Variants in LRP5 observed in about 807,000 individuals in gnomAD.
LRP5 encodes LDL receptor related protein 5, also known as low-density lipoprotein receptor-related protein 5.
LRP5 carries 62 observed loss-of-function variants against 154.1 expected under a neutral mutation model. That is an observed-to-expected ratio of 0.40 (90% CI 0.33 to 0.50). The LOEUF is 0.50. Among genes scored for constraint, LRP5 ranks in the 20% least tolerant of loss-of-function variants. The pLI is 0.55. For synonymous variants in LRP5, 966 were observed against 1,011.5 expected, an observed-to-expected ratio of 0.96 and a Z score of 0.85; for missense variants, 1,915 against 2,336.7, an observed-to-expected ratio of 0.82 and a Z score of 3.72.
intron 2 of LRP5, among the ~76,000 whole-genome samples, chr11:68,351,394 C>T (rs1367232975): frequency 6.6e-6 from 1 of 152,136 alleles, no homozygotes. Flanking sequence ...CTCCAGGAGT[C>T]GCGGGGTTAC....
the LRP5 span, among the ~76,000 whole-genome samples, chr11:68,300,993 G>A: frequency 2.0e-5 from 3 of 147,896 alleles, no homozygotes; most frequent in Non-Finnish European, 3.0e-5. Flanking sequence ...GCAATGACGC[G>A]ATCTCGGCTC....
At chr11:68,322,288 C>A (rs1045845875) in intron 1 of LRP5, among the ~76,000 whole-genome samples, 10 of 152,312 alleles carry the variant, frequency 6.6e-5, no homozygotes, top group African/African-American at 2.4e-4. Flanking sequence ...TACCTACAGG[C>A]CCTGCGGTGC....
intron 5 of LRP5, among the ~76,000 whole-genome samples, chr11:68,373,937 G>T (rs1418347285): frequency 6.6e-6 from 1 of 152,112 alleles, no homozygotes; most frequent in Non-Finnish European, 1.5e-5. Context: ...CATGCCACTC[G>T]GGCCACACGT....
At chr11:68,313,199 G>A (rs2098589991) in intron 1 of LRP5, among the ~76,000 whole-genome samples, 1 of 151,144 alleles carries the variant, frequency 6.6e-6, no homozygotes, top group Non-Finnish European at 1.5e-5. Context: ...CGGGGAGCCG[G>A]TTCGCAAGCC....
At chr11:68,397,557 G>A (rs1447691189) in intron 7 of LRP5, among the ~76,000 whole-genome samples, 6 of 152,162 alleles carry the variant, frequency 3.9e-5, no homozygotes, top group South Asian at 4.1e-4. Context: ...TCCAAATGGC[G>A]ACACCTGGTC....
In LRP5 at chr11:68,438,296, C is replaced by T. The variant is rs575906411; in HGVS notation, c.4112-150C>T. 40 of 818,690 alleles carry T rather than the reference C, an allele frequency of 4.9e-5. No individual in the cohort carries two copies. The African/African-American group carries it at 6.5e-4, about 13-fold the overall frequency. The allele number at this position is 818,690 out of a possible 1,614,324, so 50.7% of individuals were successfully genotyped here. ...CGTTACCCTGAGGTTGGCCAGGCTC[C>T]CCAGGCCTAGCCTCCCAGCTCCCCC... On this transcript the variant is annotated intron_variant, in intron 19 of 22. Coordinates refer to ENST00000294304, the MANE Select transcript of LRP5 (RefSeq NM_002335.4).
intron 17 of LRP5, among the ~76,000 whole-genome samples, chr11:68,432,326 C>T (rs112504732): frequency 0.013 from 1,990 of 152,338 alleles, 50 homozygotes; most frequent in African/African-American, 0.045. Context: ...ACCGGTCCTC[C>T]GTGTCCCCCA....
At chr11:68,391,362 C>T (rs182285625) in intron 7 of LRP5, among the ~76,000 whole-genome samples, 9 of 152,346 alleles carry the variant, frequency 5.9e-5, no homozygotes, top group Middle Eastern at 3.4e-3. Context: ...GACATTGGTG[C>T]CTCTCCTCGG....
intron 1 of LRP5, among the ~76,000 whole-genome samples, chr11:68,324,054 T>A (rs750538416): frequency 2.0e-5 from 3 of 152,228 alleles, no homozygotes; most frequent in African/African-American, 2.4e-5. Context: ...TGACCTGCCA[T>A]GCAGGGCCCC....
At chr11:68,346,564 T>C (rs2098613125) in intron 1 of LRP5, among the ~76,000 whole-genome samples, 1 of 152,236 alleles carries the variant, frequency 6.6e-6, no homozygotes, top group Non-Finnish European at 1.5e-5. Flanking sequence ...AGTTCTGTGA[T>C]TGTCATTGGC....
In LRP5 at chr11:68,408,196, C is replaced by T. The variant is rs182426761; in HGVS notation, c.2091+1383C>T. On this transcript the variant is annotated intron_variant, in intron 9 of 22. Coordinates refer to ENST00000294304, the MANE Select transcript of LRP5 (RefSeq NM_002335.4). ...GCTCTAGTGATCCTCTCATCTCAGC[C>T]TCCCTAGTAGCTGGGACTACAGGCA... is the stretch of plus-strand genomic sequence containing the variant. 2.0e-5 allele frequency among the ~76,000 whole-genome samples: 3 copies of T among 151,812 alleles called. No homozygotes were observed. The East Asian group carries it at 5.8e-4, about 29-fold the overall frequency.
chr11:68,307,906 G>A (rs1235564524), upstream of LRP5, among the ~76,000 whole-genome samples: 3 of 152,236 alleles, frequency 2.0e-5, no homozygotes, highest in Admixed American at 6.5e-5. Flanking sequence ...ATAAGAAATA[G>A]AGCAGATATC....
In LRP5 at chr11:68,391,466, C is replaced by T. The variant is rs959699410; in HGVS notation, c.1584+1414C>T. 3.3e-5 allele frequency among the ~76,000 whole-genome samples: 5 copies of T among 152,246 alleles called. No homozygotes were observed. In the East Asian group the frequency reaches 9.6e-4, roughly 29 times the overall value. On this transcript the variant is annotated intron_variant, in intron 7 of 22. Coordinates refer to ENST00000294304, the MANE Select transcript of LRP5 (RefSeq NM_002335.4). The stretch of plus-strand genomic sequence containing the variant: ...CGTCACCATCGGGGTCACCTTTGCT[C>T]TCCTCAGGGCTCCCAGGGGAGGCCC...
In LRP5 at chr11:68,347,872, C is replaced by T. The variant is rs1397101464; in HGVS notation, c.117C>T (p.Asn39=). The change falls in exon 2 of 23, where the codon AAC becomes AAT. Residue 39 remains asparagine (N), a synonymous_variant. Coordinates refer to ENST00000294304, the MANE Select transcript of LRP5 (RefSeq NM_002335.4). Reference sequence around the variant, plus strand: ...CCTCGCCGCTCCTGCTATTTGCCAACCGCCGGGACGTACGGCTGGTGGACG... The same window carrying T: ...CCTCGCCGCTCCTGCTATTTGCCAATCGCCGGGACGTACGGCTGGTGGACG... ...AAASPLLLFA[N]RRDVRLVDAG... is the part of the protein sequence containing the mutation. 5.0e-6 allele frequency: 8 copies of T among 1,613,636 alleles called. No homozygotes were observed. The highest frequency in any genetic ancestry group is 1.1e-5 in the South Asian group (1 of 91,086).
chr11:68,381,618 G>A (rs796626162), intron 5 of LRP5, among the ~76,000 whole-genome samples: 3 of 152,202 alleles, frequency 2.0e-5, no homozygotes, highest in Non-Finnish European at 4.4e-5. Context: ...GCGAGGGGAA[G>A]GTTTCACTTT....
chr11:68,311,138 C>A (rs2098587557), upstream of LRP5, among the ~76,000 whole-genome samples: 1 of 152,142 alleles, frequency 6.6e-6, no homozygotes. Flanking sequence ...AATAGAACCC[C>A]AGGCTGTGCT....
chr11:68,425,526 A>T (rs1016865765), intron 15 of LRP5, among the ~76,000 whole-genome samples: 1 of 152,220 alleles, frequency 6.6e-6, no homozygotes, highest in African/African-American at 2.4e-5. Flanking sequence ...TTGGGGCCCC[A>T]CAGCAGGAGA....
At chr11:68,373,388 G>GT (rs1378401187) in intron 5 of LRP5, among the ~76,000 whole-genome samples, 2 of 140,910 alleles carry the variant, frequency 1.4e-5, no homozygotes, top group African/African-American at 5.8e-5. Flanking sequence ...TGCGTTGGTG[G>GT]CGGGGGGGGC....
chr11:68,310,169 GGGT>G (rs1201885100), upstream of LRP5, among the ~76,000 whole-genome samples: 6 of 152,308 alleles, frequency 3.9e-5, no homozygotes, highest in Middle Eastern at 3.4e-3. Context: ...TGGCAATAGT[GGGT>G]GGTGGTGGTG....
Sources: allele counts gnomAD v4.1 joint callset (sites outside exome capture counted in the v4.1 genomes callset), GRCh38; gene constraint gnomAD v4.1.1; transcripts MANE v1.5; gene names NCBI Gene and HGNC (gene_info 2026-07-23, HGNC 2026-07-21).